The following OLFML2B variants were observed in gnomAD, a reference collection of about 807,000 sequenced individuals.
OLFML2B encodes olfactomedin like 2B, also known as olfactomedin-like protein 2B.
OLFML2B carries 57 observed loss-of-function variants against 74.9 expected under a neutral mutation model. The ratio of observed to expected loss-of-function variants is 0.76; its 90% CI spans 0.61 to 0.95. The LOEUF (loss-of-function observed/expected upper bound fraction) is 0.95. Ranked by LOEUF, OLFML2B falls within the 40% of genes least tolerant of loss-of-function variation. The probability of loss-of-function intolerance (pLI) is 0.00; values close to 1 mark genes in which losing one functional copy is unlikely to be tolerated. For synonymous variants in OLFML2B, 388 were observed against 405.8 expected, an observed-to-expected ratio of 0.96 and a Z score of 0.53; for missense variants, 986 against 970.6, an observed-to-expected ratio of 1.02 and a Z score of -0.21.
At chr1:161,995,572 T>C (rs992320215) in intron 6 of OLFML2B, among the ~76,000 whole-genome samples, 1 of 152,122 alleles carries the variant, frequency 6.6e-6, no homozygotes, top group African/African-American at 2.4e-5. Flanking sequence ...GATGGCAAAG[T>C]CCTGGGGAGG....
At chr1:161,993,582 C>A (rs184553920) in intron 6 of OLFML2B, among the ~76,000 whole-genome samples, 3 of 152,316 alleles carry the variant, frequency 2.0e-5, no homozygotes, top group Admixed American at 2.0e-4. Flanking sequence ...TCTCTTTTAG[C>A]ATCGAGTCCC....
At chr1:162,015,844 CGAG>C (rs1373890527) in intron 3 of OLFML2B, among the ~76,000 whole-genome samples, 2 of 152,108 alleles carry the variant, frequency 1.3e-5, no homozygotes, top group Admixed American at 6.5e-5. Flanking sequence ...TGGCAGACAG[CGAG>C]GAGGAGGCTG....
At position 162,006,931 on chromosome 1, in the gene OLFML2B, A is replaced by AAAC. The variant is rs561869643; in HGVS notation, c.547-461_547-459dup. 9.5e-3 allele frequency among the ~76,000 whole-genome samples: 1,443 copies of AAAC among 152,192 alleles called. 14 individuals carry two copies. Among genetic ancestry groups the AAAC allele is most frequent in the Middle Eastern group, 0.024 (7 of 294 alleles). On this transcript the variant is annotated intron_variant, in intron 3 of 7. Transcript: ENST00000294794. The stretch of plus-strand genomic sequence containing the variant: ...GAAGAGGTGGCCAAACAAACAAAAC[A>AAAC]AACAACAACAACAACAACAAAAAAC...
At chr1:161,997,703 C>T in intron 6 of OLFML2B, 122 bp downstream of exon 6, 1 of 1,053,214 alleles carries the variant, frequency 9.5e-7, no homozygotes, top group Non-Finnish European at 1.4e-6. Flanking sequence ...GGCTTAACTC[C>T]ACTTGCCATT....
At chr1:162,008,566 C>T (rs1435134297) in intron 3 of OLFML2B, among the ~76,000 whole-genome samples, 1 of 152,220 alleles carries the variant, frequency 6.6e-6, no homozygotes, top group East Asian at 1.9e-4. Context: ...GGATACATGA[C>T]AGGATATGCA....
At chr1:161,998,799 A>G (rs1690002527) in intron 5 of OLFML2B, among the ~76,000 whole-genome samples, 1 of 152,238 alleles carries the variant, frequency 6.6e-6, no homozygotes, top group East Asian at 1.9e-4. Flanking sequence ...TATGGGGAAC[A>G]AAATGTAGGG....
At chr1:161,998,462 G>A in intron 5 of OLFML2B, 113 bp from the exon 6 acceptor site, 5 of 1,203,392 alleles carry the variant, frequency 4.2e-6, no homozygotes, top group Non-Finnish European at 5.8e-6. Flanking sequence ...TAACACGACG[G>A]CTTGAGTTAC....
chr1:162,011,230 G>A (rs974879026), intron 3 of OLFML2B, among the ~76,000 whole-genome samples: 64 of 152,172 alleles, frequency 4.2e-4, no homozygotes, highest in African/African-American at 1.4e-3. Context: ...TAGGTCCTGT[G>A]GGCATCAGGA....
rs374271238 is a variant in OLFML2B, at chr1:161,999,743, GC to G, written c.949+369del. Among the ~76,000 whole-genome samples the G allele has an allele frequency of 6.8e-3, 1,037 of 152,318 alleles. 2 individuals are homozygous for G. Among genetic ancestry groups the G allele is most frequent in the African/African-American group, 0.023 (970 of 41,556 alleles). On this transcript the variant is annotated intron_variant, in intron 5 of 7. Transcript: ENST00000294794. ...TGGAGACTCAGACAGGAAGCTCAGG[GC>G]CCCCGGAGGGAGGAGCAAGTATTGG... is the stretch of plus-strand genomic sequence containing the variant.
chr1:162,021,975 T>G lies in OLFML2B; in HGVS notation c.174+1282A>C, dbSNP rs555554684. Reference sequence around the variant, plus strand: ...AAGGAAGAGTGAGGAGGCTAGTGTTTGATAAATCCCAAAGTGCAGCTGATT... The same window carrying G: ...AAGGAAGAGTGAGGAGGCTAGTGTTGGATAAATCCCAAAGTGCAGCTGATT... On this transcript the variant is annotated intron_variant, in intron 1 of 7. Transcript: ENST00000294794. Among the ~76,000 whole-genome samples, 8 of 152,266 alleles carry G rather than the reference T, an allele frequency of 5.3e-5. No individual in the cohort carries two copies. The South Asian group carries it at 6.2e-4, about 12-fold the overall frequency.
intron 3 of OLFML2B, among the ~76,000 whole-genome samples, chr1:162,009,027 T>C (rs1003757970): frequency 2.6e-5 from 4 of 152,150 alleles, no homozygotes; most frequent in African/African-American, 9.7e-5. Context: ...ATTCAATGTG[T>C]TACCTTTTTA....
chr1:161,984,237 A>G lies in OLFML2B; in HGVS notation c.1691T>C (p.Ile564Thr). The G allele has an allele frequency of 6.5e-7, 1 of 1,538,500 alleles. No individual in the cohort carries two copies. The highest frequency in any genetic ancestry group is 8.7e-7 in the Non-Finnish European group (1 of 1,143,600). Residue 564 changes from isoleucine to threonine, a missense_variant, in exon 8 of 8, where the codon ATC becomes ACC. By Grantham distance (89) the Ile-to-Thr change is moderately conservative. Coordinates refer to ENST00000294794, the MANE Select transcript of OLFML2B (RefSeq NM_015441.3). ...ATTGTATACCACGTGGCCTGTGCCG[A>G]TCCAGCTGTACGGGAGCTTGTAGGA... ...SNSYKLPYSW[I>T]GTGHVVYNGA...
intron 4 of OLFML2B, among the ~76,000 whole-genome samples, chr1:162,005,454 C>T (rs1458670106): frequency 1.3e-5 from 2 of 152,206 alleles, no homozygotes; most frequent in South Asian, 2.1e-4. Flanking sequence ...GTCTGGCCTG[C>T]TTTTCTAGAG....
At chr1:162,013,299 T>C (rs6676438) in intron 3 of OLFML2B, among the ~76,000 whole-genome samples, 81,185 of 152,082 alleles carry the variant, frequency 0.53, 26,673 homozygotes, top group Non-Finnish European at 0.71. Flanking sequence ...GGGGTCTATG[T>C]TGGACTGCTG....
At chr1:161,985,136 C>T in intron 6 of OLFML2B, 156 bp from the exon 7 acceptor site, 1 of 666,536 alleles carries the variant, frequency 1.5e-6, no homozygotes, top group South Asian at 2.3e-5. Flanking sequence ...CCATCTCCTG[C>T]TACTCCCCTG....
intron 6 of OLFML2B, among the ~76,000 whole-genome samples, chr1:161,997,313 T>A (rs1689938523): frequency 6.6e-6 from 1 of 152,206 alleles, no homozygotes; most frequent in African/African-American, 2.4e-5. Flanking sequence ...ACAGCACTTG[T>A]CACATGGTGC....
chr1:162,000,423 C>T (rs1690052705), intron 4 of OLFML2B, 85 bp from the exon 5 acceptor site: 1 of 1,100,704 alleles, frequency 9.1e-7, no homozygotes, highest in Non-Finnish European at 1.3e-6. Context: ...GGAGCCAAGG[C>T]TGTGCTAATA....
chr1:162,004,931 A>C (rs775303210), intron 4 of OLFML2B, among the ~76,000 whole-genome samples: 2 of 152,230 alleles, frequency 1.3e-5, no homozygotes, highest in Non-Finnish European at 2.9e-5. Flanking sequence ...ACCCCTGGTA[A>C]CCAGTTAAAA....
Position 162,023,349 on chromosome 1 carries a change from T to C in OLFML2B, c.82A>G (p.Thr28Ala). The change falls in exon 1 of 8, where the codon ACA (threonine) becomes GCA (alanine). Residue 28 changes from threonine (T) to alanine (A), a missense_variant. Thr to Ala is a moderately conservative substitution (Grantham distance 58). Coordinates refer to ENST00000294794, the MANE Select transcript of OLFML2B (RefSeq NM_015441.3). The part of the protein sequence containing the change: ...AWVSSIVLTG[T>A]SEPPDAQTVA... ...GTCTGCGCATCTGGGGGCTCGCTTG[T>C]CCCTGTGAGGACAATGCTGGACACC... The C allele has an allele frequency of 1.2e-6, 2 of 1,608,158 alleles. No individual in the cohort carries two copies. Among genetic ancestry groups the C allele is most frequent in the Non-Finnish European group, 1.7e-6 (2 of 1,176,396 alleles).
Sources: gnomAD v4.1 joint callset for allele counts (sites outside exome capture counted in the v4.1 genomes callset) on GRCh38, gnomAD v4.1.1 for gene constraint, MANE v1.5 for transcripts, NCBI Gene and HGNC (gene_info 2026-07-23, HGNC 2026-07-21) for gene names.